The following LMF1 variants were observed in gnomAD, a reference collection of about 807,000 sequenced individuals.
LMF1 encodes lipase maturation factor 1, also known as transmembrane protein 112.
LMF1 carries 68 observed loss-of-function variants against 60.6 expected under a neutral mutation model. The observed-to-expected ratio is 1.12, with a 90% confidence interval of 0.92 to 1.37. The LOEUF is 1.37. Ranked by LOEUF, LMF1 falls within the 40% of genes most tolerant of loss-of-function variation. The pLI is 0.00. For synonymous variants in LMF1, 418 were observed against 324.7 expected, an observed-to-expected ratio of 1.29 and a Z score of -3.09; for missense variants, 948 against 767.2, an observed-to-expected ratio of 1.24 and a Z score of -2.78.
intron 2 of LMF1, among the ~76,000 whole-genome samples, chr16:934,931 G>A (rs980490964): frequency 6.6e-6 from 1 of 152,294 alleles, no homozygotes; most frequent in East Asian, 1.9e-4. Context: ...CTATGGTCCC[G>A]CAAGAGGCGG....
intron 9 of LMF1, chr16:869,259 G>A (rs1055278486): frequency 7.5e-6 from 5 of 668,040 alleles, no homozygotes; most frequent in Admixed American, 2.1e-5. Flanking sequence ...TTCCCATGTC[G>A]GCCGCTGGCT....
chr16:954,841 G>T (rs192177494), intron 1 of LMF1, among the ~76,000 whole-genome samples, 175 bp from the exon 2 acceptor site: 25 of 152,356 alleles, frequency 1.6e-4, no homozygotes, highest in Middle Eastern at 3.4e-3. Flanking sequence ...GATTTTGGGG[G>T]AAACACTGGA....
rs1410797756 is a variant in LMF1 at position 897,068 on chromosome 16, C to T, written c.664-3996G>A. On this transcript the variant is annotated intron_variant, in intron 4 of 10. Coordinates refer to ENST00000262301, the MANE Select transcript of LMF1 (RefSeq NM_022773.4). The surrounding 1 kb of genome is among the most constrained non-coding windows in gnomAD (Gnocchi z 4.3). ...AAGGGAGCCGGGGACCCACACTGCCCGTGCCACCCTCCCGCTCTGCTCGGA... is the reference window on the plus strand; with the variant it reads ...AAGGGAGCCGGGGACCCACACTGCCTGTGCCACCCTCCCGCTCTGCTCGGA... 2.6e-5 allele frequency among the ~76,000 whole-genome samples: 4 copies of T among 152,176 alleles called. No individual in the cohort carries two copies. Among genetic ancestry groups the T allele is most frequent in the Non-Finnish European group, 5.9e-5 (4 of 68,038 alleles).
intron 3 of LMF1, among the ~76,000 whole-genome samples, chr16:931,132 AGGTCTGG>A (rs2071770891): frequency 6.6e-6 from 1 of 151,928 alleles, no homozygotes; most frequent in Non-Finnish European, 1.5e-5. Flanking sequence ...AAAAAAAAAA[AGGTCTGG>A]GACCGCCCAG....
intron 6 of LMF1, among the ~76,000 whole-genome samples, chr16:879,238 A>C (rs558697253): frequency 1.1e-4 from 17 of 152,310 alleles, no homozygotes; most frequent in African/African-American, 4.1e-4. Flanking sequence ...AGTGGATCCC[A>C]GGAATGTGGG....
chr16:880,031 G>A (rs2070117527), intron 5 of LMF1, among the ~76,000 whole-genome samples: 1 of 152,322 alleles, frequency 6.6e-6, no homozygotes, highest in South Asian at 2.1e-4. Flanking sequence ...TAAACCCCGT[G>A]CCCAACTTGA....
chr16:860,410 G>A (rs1189089104), intron 10 of LMF1, among the ~76,000 whole-genome samples: 4 of 151,744 alleles, frequency 2.6e-5, no homozygotes, highest in Non-Finnish European at 5.9e-5. Context: ...TGTGATCTCG[G>A]CTCACTGCAA....
chr16:932,981 T>TAGGGGAGGCCTGGG (rs1323303189), intron 3 of LMF1: 1 of 152,216 alleles, frequency 6.6e-6, no homozygotes, highest in African/African-American at 2.4e-5. Flanking sequence ...GTGAGCACTC[T>TAGGGGAGGCCTGGG]GCTCCCTTGA....
At chr16:943,370 CAAAAA>C (rs34995293) in intron 2 of LMF1, among the ~76,000 whole-genome samples, 2 of 97,048 alleles carry the variant, frequency 2.1e-5, no homozygotes, top group Admixed American at 1.1e-4. Flanking sequence ...GACTCCATCT[CAAAAA>C]AAAAAAAAAA....
At chr16:855,872 C>T (rs2069171378) in intron 10 of LMF1, 3 of 455,930 alleles carry the variant, frequency 6.6e-6, no homozygotes, top group Non-Finnish European at 1.3e-5. Flanking sequence ...GGGTGGAGAC[C>T]TTGGGCCATG....
intron 2 of LMF1, among the ~76,000 whole-genome samples, chr16:952,917 G>A (rs868340372): frequency 3.5e-4 from 36 of 103,096 alleles, no homozygotes; most frequent in East Asian, 1.3e-3. Flanking sequence ...CCTCCTACAC[G>A]TCCACACAGA....
At chr16:854,890 G>A (rs2069146106) in intron 10 of LMF1, 184 bp from the exon 11 acceptor site, 1 of 647,750 alleles carries the variant, frequency 1.5e-6, no homozygotes, top group South Asian at 1.8e-5. Context: ...AACTGTTCCA[G>A]TCGGCACCCT....
chr16:973,408 C>T (rs987066126), upstream of LMF1, among the ~76,000 whole-genome samples: 2 of 152,142 alleles, frequency 1.3e-5, no homozygotes, highest in African/African-American at 4.8e-5. Flanking sequence ...ACAGATGAAC[C>T]TCAGAACATC....
In LMF1 at chr16:910,926, C is replaced by T; in HGVS notation, c.663+5G>A. On this transcript the variant is annotated splice_donor_5th_base_variant and intron_variant, in intron 4 of 10. Transcript: ENST00000262301. ...CCAAACACCACGCAGAAGAGCTCCA[C>T]TTACTGCTCCAAGCATGATCCTGAA... The T allele has an allele frequency of 6.8e-6, 11 of 1,612,682 alleles. No individual in the cohort carries two copies. The highest frequency in any genetic ancestry group is 9.3e-6 in the Non-Finnish European group (11 of 1,179,768).
At chr16:872,060 T>C (rs2151703003) in intron 6 of LMF1, 1 of 152,368 alleles carries the variant, frequency 6.6e-6, no homozygotes, top group East Asian at 1.9e-4. Context: ...AAACTGGAGA[T>C]GGAGCCGCTG....
chr16:947,490 C>T lies in LMF1; in HGVS notation c.503+6867G>A, dbSNP rs759060045. On this transcript the variant is annotated intron_variant, in intron 2 of 10. Transcript: ENST00000262301. ...TCCCTGGGTGCTGGCGGCCTCCCAG[C>T]GTCCCCTCCAGCCCTGGCGCTGCTC... 8.0e-4 allele frequency: 366 copies of T among 456,070 alleles called. 6 individuals are homozygous for T. The highest frequency in any genetic ancestry group is 5.4e-3 in the South Asian group (348 of 64,552). 28.3% of individuals were successfully genotyped at this position (456,070 alleles called of 1,614,324 possible).
intron 4 of LMF1, among the ~76,000 whole-genome samples, chr16:904,637 G>T (rs1255171717): frequency 2.2e-5 from 1 of 46,108 alleles, no homozygotes; most frequent in African/African-American, 2.0e-4. Context: ...TGCCTGTGGG[G>T]ACGCCCGTCT....
At chr16:870,653 C>T in intron 8 of LMF1, 76 bp downstream of exon 8, 1 of 1,552,142 alleles carries the variant, frequency 6.4e-7, no homozygotes, top group Non-Finnish European at 8.8e-7. Flanking sequence ...CACTGTAACC[C>T]CACCTGAATG....
chr16:876,726 G>A (rs891842110), intron 6 of LMF1, among the ~76,000 whole-genome samples: 8 of 151,440 alleles, frequency 5.3e-5, no homozygotes, highest in African/African-American at 1.7e-4. Context: ...GAGGCGGGCT[G>A]GGCGGGCTGA....
Sources: gnomAD v4.1 joint callset for allele counts (sites outside exome capture counted in the v4.1 genomes callset) on GRCh38, gnomAD v4.1.1 for gene constraint, Gnocchi (gnomAD v3.1) non-coding constraint, MANE v1.5 for transcripts, NCBI Gene and HGNC (gene_info 2026-07-23, HGNC 2026-07-21) for gene names.